The following PRKCH variants were observed in gnomAD, a reference collection of about 807,000 sequenced individuals.
PRKCH encodes the protein protein kinase C eta type.
PRKCH carries 28 observed loss-of-function variants against 82.5 expected under a neutral mutation model. That is an observed-to-expected ratio of 0.34 (90% CI 0.25 to 0.47). The LOEUF (loss-of-function observed/expected upper bound fraction) is 0.47, where lower values mean the gene tolerates loss of function less well. Among genes scored for constraint, PRKCH ranks in the 20% least tolerant of loss-of-function variants. The pLI is 1.00. For synonymous variants in PRKCH, 322 were observed against 327.4 expected, an observed-to-expected ratio of 0.98 and a Z score of 0.18; for missense variants, 705 against 881.8, an observed-to-expected ratio of 0.80 and a Z score of 2.54.
chr14:61,252,831 T>C (rs2044958160), intron 1 of PRKCH, among the ~76,000 whole-genome samples: 1 of 152,222 alleles, frequency 6.6e-6, no homozygotes, highest in Non-Finnish European at 1.5e-5. Context: ...CCACAGATTC[T>C]TTTCTCCTTA....
chr14:61,272,176 T>C (rs1176680835), intron 1 of PRKCH, among the ~76,000 whole-genome samples: 10 of 151,152 alleles, frequency 6.6e-5, no homozygotes, highest in South Asian at 2.1e-4. Context: ...TGCAGTGAGC[T>C]GAGATTGCGC....
At chr14:61,415,823 T>C (rs1203136816) in intron 2 of PRKCH, among the ~76,000 whole-genome samples, 1 of 152,162 alleles carries the variant, frequency 6.6e-6, no homozygotes, top group Non-Finnish European at 1.5e-5. Flanking sequence ...TCTATACCCA[T>C]TGAATACTAA....
intron 1 of PRKCH, among the ~76,000 whole-genome samples, chr14:61,361,604 A>T (rs528609325): frequency 6.6e-6 from 1 of 152,316 alleles, no homozygotes; most frequent in East Asian, 1.9e-4. Context: ...GTATAGGTAG[A>T]TAGGAACATG....
At chr14:61,240,684 T>C (rs941095870) in intron 1 of PRKCH, among the ~76,000 whole-genome samples, 10 of 151,706 alleles carry the variant, frequency 6.6e-5, no homozygotes, top group Non-Finnish European at 1.3e-4. Flanking sequence ...TAAAAATTAT[T>C]TCTTAACAGC....
chr14:61,489,908 G>T (rs1886385050), intron 10 of PRKCH, among the ~76,000 whole-genome samples: 1 of 152,220 alleles, frequency 6.6e-6, no homozygotes, highest in Non-Finnish European at 1.5e-5. Flanking sequence ...AACTCCTGAA[G>T]CCAGCCAGCA....
chr14:61,205,638 C>T (rs2044517147), intron 1 of PRKCH, among the ~76,000 whole-genome samples: 1 of 152,192 alleles, frequency 6.6e-6, no homozygotes, highest in Non-Finnish European at 1.5e-5. Context: ...CCAGGTGTCT[C>T]TCCTCTCTGC....
intron 1 of PRKCH, among the ~76,000 whole-genome samples, chr14:61,244,472 A>G (rs978165380): frequency 3.9e-5 from 6 of 152,210 alleles, no homozygotes; most frequent in Non-Finnish European, 8.8e-5. Context: ...ACCCTGCTCT[A>G]TCATCTTAGG....
intron 9 of PRKCH, among the ~76,000 whole-genome samples, chr14:61,481,104 G>A (rs1180594080): frequency 6.6e-6 from 1 of 152,142 alleles, no homozygotes; most frequent in Non-Finnish European, 1.5e-5. Context: ...TTAACACACT[G>A]TGGCGATGTG....
intron 4 of PRKCH, among the ~76,000 whole-genome samples, chr14:61,448,919 A>G (rs1211963003): frequency 2.6e-5 from 4 of 152,168 alleles, no homozygotes; most frequent in Non-Finnish European, 5.9e-5. Context: ...TGGTGGGTGC[A>G]GGATGGAATA....
intron 2 of PRKCH, among the ~76,000 whole-genome samples, chr14:61,419,184 T>G (rs1001876960): frequency 3.9e-5 from 6 of 152,240 alleles, no homozygotes; most frequent in Non-Finnish European, 8.8e-5. Context: ...AAATGTCTGA[T>G]GTGAAAATCT....
At chr14:61,459,995 C>G (rs1283071750) in intron 9 of PRKCH, among the ~76,000 whole-genome samples, 1 of 152,070 alleles carries the variant, frequency 6.6e-6, no homozygotes, top group Non-Finnish European at 1.5e-5. Flanking sequence ...CAGGCACATG[C>G]CACCACACCT....
intron 10 of PRKCH, among the ~76,000 whole-genome samples, chr14:61,489,226 T>G (rs1206526589): frequency 6.6e-6 from 1 of 152,112 alleles, no homozygotes; most frequent in Non-Finnish European, 1.5e-5. Flanking sequence ...AGAGCTAAAA[T>G]AATCCCCCAG....
At chr14:61,248,062 TAAGA>T (rs1408412413) in intron 1 of PRKCH, among the ~76,000 whole-genome samples, 2 of 152,216 alleles carry the variant, frequency 1.3e-5, no homozygotes, top group Admixed American at 1.3e-4. Context: ...AGTGTGTTTC[TAAGA>T]AATAGGAGTG....
chr14:61,361,063 C>T (rs1404293237), intron 1 of PRKCH: 1 of 152,256 alleles, frequency 6.6e-6, no homozygotes, highest in Non-Finnish European at 1.5e-5. Context: ...GCTTCGGGAA[C>T]TCAGTTCAGA....
In PRKCH at chr14:61,222,250, A is replaced by C. The variant is rs1204435173; in HGVS notation, c.-19+34582A>C. Among the ~76,000 whole-genome samples, 3 of 152,238 alleles carry C rather than the reference A, an allele frequency of 2.0e-5. No individual in the cohort carries two copies. In the East Asian group the frequency reaches 5.8e-4, roughly 29 times the overall value. ...AATTAGTGCATCCAGGATCATTAAAAATGATTTTCATAAGGAAATCTTTCA... is the reference window on the plus strand; with the variant it reads ...AATTAGTGCATCCAGGATCATTAAACATGATTTTCATAAGGAAATCTTTCA... On this transcript the variant is annotated intron_variant, in intron 1 of 3. Transcript: ENST00000555185.
chr14:61,356,225 G>A (rs1339756389), intron 1 of PRKCH, among the ~76,000 whole-genome samples: 1 of 152,160 alleles, frequency 6.6e-6, no homozygotes, highest in East Asian at 1.9e-4. Context: ...GCAGTGGGTT[G>A]TTTGGGGGTT....
At chr14:61,531,755 C>T (rs1383955834) in intron 12 of PRKCH, among the ~76,000 whole-genome samples, 3 of 152,176 alleles carry the variant, frequency 2.0e-5, no homozygotes, top group Non-Finnish European at 4.4e-5. Context: ...AATAAAAGCA[C>T]AGTACTTTGG....
chr14:61,490,076 A>T (rs1886391087), intron 10 of PRKCH, among the ~76,000 whole-genome samples: 1 of 152,206 alleles, frequency 6.6e-6, no homozygotes, highest in South Asian at 2.1e-4. Context: ...TTTTCGACTC[A>T]TGAGTCTGAC....
chr14:61,338,261 ATCAT>A (rs2045884338), intron 1 of PRKCH, among the ~76,000 whole-genome samples: 1 of 152,240 alleles, frequency 6.6e-6, no homozygotes, highest in South Asian at 2.1e-4. Context: ...AAAATTCCTT[ATCAT>A]TCCTTACCAT....
Sources: allele counts gnomAD v4.1 joint callset (sites outside exome capture counted in the v4.1 genomes callset), GRCh38; gene constraint gnomAD v4.1.1; transcripts MANE v1.5; gene names NCBI Gene and HGNC (gene_info 2026-07-23, HGNC 2026-07-21).